VPS13C: variants seen among roughly 807,000 people sequenced by gnomAD.
The protein encoded by VPS13C is intermembrane lipid transfer protein VPS13C.
A neutral mutation model predicts 456.8 loss-of-function variants in VPS13C; 358 were observed. The observed-to-expected ratio is 0.78, with a 90% CI of 0.72 to 0.86. VPS13C has a LOEUF of 0.86. Among genes scored for constraint, VPS13C ranks in the 40% least tolerant of loss-of-function variants. The pLI is 0.00. For missense variants in VPS13C, 4,818 were observed against 4,385.4 expected (o/e 1.10, Z -2.79); for synonymous variants, 1,578 against 1,486.7 (o/e 1.06, Z -1.41).
At chr15:62,037,296 T>A (rs1195349534) in intron 3 of VPS13C, among the ~76,000 whole-genome samples, 1 of 74,838 alleles carries the variant, frequency 1.3e-5, no homozygotes, top group Non-Finnish European at 2.3e-5. Context: ...TATTATATTA[T>A]ATAATATATA....
At chr15:61,869,956 A>G (rs1460221056) in intron 79 of VPS13C, among the ~76,000 whole-genome samples, 3 of 152,200 alleles carry the variant, frequency 2.0e-5, no homozygotes, top group African/African-American at 7.2e-5. Flanking sequence ...AGTACCTGCA[A>G]CTTGCAGGTG....
In VPS13C at chr15:61,993,810, T is replaced by C. The variant is rs957974348; in HGVS notation, c.1354-2008A>G. Among the ~76,000 whole-genome samples the C allele has an allele frequency of 5.3e-5, 8 of 152,288 alleles. No individual in the cohort carries two copies. In the East Asian group the frequency reaches 1.5e-3, roughly 29 times the overall value. ...AAATATGAGAGCTGTCACAGAACTA[T>C]ACACACACATCATACCAATGTCAAA... On this transcript the variant is annotated intron_variant, in intron 16 of 84. Transcript: ENST00000644861.
rs372160182 is a variant in VPS13C at position 61,882,706 on chromosome 15, G to T, written c.9514C>A (p.Arg3172Ser). 26 of 1,588,524 alleles carry T rather than the reference G, an allele frequency of 1.6e-5. No homozygotes were observed. The highest frequency in any genetic ancestry group is 2.2e-5 in the Non-Finnish European group (26 of 1,168,920). Reference protein sequence around the residue: ...VNFDKDPMEMRLPIRSPIKRD... With the variant: ...VNFDKDPMEMSLPIRSPIKRD... ...TTAATAGGGCTACGAATAGGGAGGC[G>T]CATTTCCATTGGATCTTTATCAAAA... The change falls in exon 69 of 85, where the codon CGC becomes AGC. Residue 3172 changes from arginine to serine, a missense_variant. Physicochemically the swap from Arg to Ser is moderately radical, Grantham distance 110. Around this residue, in one of 3 missense-constraint regions of VPS13C, gnomAD observed 4,552 missense variants for 4,130.6 expected, o/e 1.10. Transcript: ENST00000644861.
chr15:61,859,583 A>G (rs1735611229), intron 82 of VPS13C, among the ~76,000 whole-genome samples: 1 of 152,140 alleles, frequency 6.6e-6, no homozygotes, highest in South Asian at 2.1e-4. Context: ...TGCAAGAGCT[A>G]CATACTCAAG....
At position 62,013,946 on chromosome 15, in the gene VPS13C, T is replaced by G; in HGVS notation, c.731A>C (p.Lys244Thr). 1 of 1,609,096 alleles carries G rather than the reference T, an allele frequency of 6.2e-7. No homozygotes were observed. The highest frequency in any genetic ancestry group is 1.3e-5 in the African/African-American group (1 of 74,834). ...CCAACATAATACCTTGTATATAATT[T>G]TGTCTGCTTCATTTAATATGCATGG... Reference protein sequence around the residue: ...WTPCILNEADKIIYKLIRLDS... With the variant: ...WTPCILNEADTIIYKLIRLDS... Residue 244 changes from lysine to threonine, a missense_variant, in exon 10 of 85, where the codon AAA (lysine) becomes ACA (threonine). Lys to Thr is a moderately conservative substitution (Grantham distance 78). Coordinates refer to ENST00000644861, the MANE Select transcript of VPS13C (RefSeq NM_020821.3).
At chr15:62,010,005 G>T (rs926938572) in intron 13 of VPS13C, among the ~76,000 whole-genome samples, 2 of 152,010 alleles carry the variant, frequency 1.3e-5, no homozygotes, top group African/African-American at 2.4e-5. Flanking sequence ...GGCTAACACA[G>T]TGAAACGCCA....
At chr15:62,024,510 C>T (rs2047568040) in intron 6 of VPS13C, among the ~76,000 whole-genome samples, 2 of 152,192 alleles carry the variant, frequency 1.3e-5, no homozygotes, top group Admixed American at 6.5e-5. Context: ...AAATTCCTAT[C>T]AGGCATCACC....
At position 61,963,474 on chromosome 15, in the gene VPS13C, T is replaced by TA. The variant is rs905071031; in HGVS notation, c.3331+360dup. 7.8e-3 allele frequency among the ~76,000 whole-genome samples: 1,145 copies of TA among 147,170 alleles called. 10 individuals are homozygous for TA. The highest frequency in any genetic ancestry group is 0.026 in the African/African-American group (1,037 of 40,298). On this transcript the variant is annotated intron_variant, in intron 32 of 84. Transcript: ENST00000644861. ...ATTATATATAAAAATCATATGAAGG[T>TA]AAAAAAAAAAGATTAAAAAGTTACT... is the stretch of plus-strand genomic sequence containing the variant.
At position 61,966,152 on chromosome 15, in the gene VPS13C, G is replaced by GA; in HGVS notation, c.2992-11dup. The GA allele has an allele frequency of 6.3e-7, 1 of 1,595,180 alleles. No homozygotes were observed. The highest frequency in any genetic ancestry group is 8.5e-7 in the Non-Finnish European group (1 of 1,169,898). On this transcript the variant is annotated splice_polypyrimidine_tract_variant and intron_variant, in intron 29 of 84. Transcript: ENST00000644861. ...GTCCATTCTTATCAGCCTGAAAAAAGAAGTAAAAGTTCTAAAGAAGGTACT... is the reference window on the plus strand; with the variant it reads ...GTCCATTCTTATCAGCCTGAAAAAAGAAAGTAAAAGTTCTAAAGAAGGTACT...
In VPS13C at chr15:61,915,829, G is replaced by A. The variant is rs1332556528; in HGVS notation, c.8249C>T (p.Thr2750Ile). ...CCTGACGTGGACTGACAGGTCGACT[G>A]TCGTCACTTCTGTGGAGTCAGAAGA... ...CFSSDSTEVT[T>I]VDLSVHVRRI... is the part of the protein sequence containing the mutation. The change falls in exon 61 of 85, where the codon ACA becomes ATA. Residue 2750 changes from threonine to isoleucine, a missense_variant. Physicochemically the swap from Thr to Ile is moderately conservative, Grantham distance 89. Transcript: ENST00000644861. The A allele has an allele frequency of 5.0e-6, 8 of 1,614,032 alleles. No individual in the cohort carries two copies. Among genetic ancestry groups the A allele is most frequent in the Admixed American group, 1.7e-5 (1 of 60,000 alleles).
At chr15:62,055,403 A>ATTT (rs35306432) in intron 1 of VPS13C, among the ~76,000 whole-genome samples, 3 of 115,966 alleles carry the variant, frequency 2.6e-5, no homozygotes, top group African/African-American at 6.2e-5. Flanking sequence ...AATTTTTTGT[A>ATTT]TTTTTTTTTT....
chr15:61,977,599 G>A (rs2045742873), intron 23 of VPS13C, among the ~76,000 whole-genome samples: 1 of 151,924 alleles, frequency 6.6e-6, no homozygotes, highest in African/African-American at 2.4e-5. Context: ...GGGTTCCTAA[G>A]TACAATATTT....
At chr15:61,938,936 T>C (rs556153234) in intron 47 of VPS13C, among the ~76,000 whole-genome samples, 1 of 152,344 alleles carries the variant, frequency 6.6e-6, no homozygotes, top group East Asian at 1.9e-4. Flanking sequence ...ATAATAGTAT[T>C]ATATTGCCTG....
At chr15:61,929,367 A>T in intron 51 of VPS13C, 134 bp downstream of exon 51, 6 of 1,245,672 alleles carry the variant, frequency 4.8e-6, no homozygotes, top group Non-Finnish European at 6.4e-6. Context: ...AAAAAGCTAA[A>T]GTTTTTATAT....
At chr15:61,898,522 G>C (rs535114487) in intron 66 of VPS13C, among the ~76,000 whole-genome samples, 2 of 152,088 alleles carry the variant, frequency 1.3e-5, no homozygotes, top group Non-Finnish European at 2.9e-5. Context: ...TTACATAATG[G>C]CAAAGGGATC....
chr15:62,039,374 G>A (rs1430346947), intron 3 of VPS13C, among the ~76,000 whole-genome samples: 2 of 151,916 alleles, frequency 1.3e-5, no homozygotes, highest in African/African-American at 4.8e-5. Flanking sequence ...ACAAGTAGGA[G>A]CTAAACAATG....
intron 52 of VPS13C, among the ~76,000 whole-genome samples, chr15:61,926,277 G>C (rs893626194): frequency 6.6e-6 from 1 of 152,158 alleles, no homozygotes; most frequent in Admixed American, 6.5e-5. Context: ...TAGCCAGCTA[G>C]TAGTCCTAGC....
chr15:62,023,281 G>A (rs574178691), intron 8 of VPS13C, 130 bp downstream of exon 8: 17 of 466,906 alleles, frequency 3.6e-5, no homozygotes, highest in African/African-American at 1.8e-4. Flanking sequence ...AAGAGGATAT[G>A]GTAGTGTACT....
intron 2 of VPS13C, among the ~76,000 whole-genome samples, chr15:62,042,039 T>C (rs570144106): frequency 2.0e-4 from 30 of 152,246 alleles, no homozygotes; most frequent in African/African-American, 7.2e-4. Context: ...AAGAAGAGTC[T>C]TTTTGCATAA....
Sources: allele counts gnomAD v4.1 joint callset (sites outside exome capture counted in the v4.1 genomes callset), GRCh38; gene constraint gnomAD v4.1.1; regional missense constraint gnomAD v4.1.1; transcripts MANE v1.5; gene names NCBI Gene and HGNC (gene_info 2026-07-23, HGNC 2026-07-21).